Variants in STXBP2 observed in about 807,000 individuals in gnomAD.
STXBP2 encodes the protein syntaxin-binding protein 2.
In STXBP2, 47 loss-of-function variants were observed where a neutral mutation model predicts 72.2. That is an observed-to-expected ratio of 0.65 (90% CI 0.51 to 0.83). The LOEUF (loss-of-function observed/expected upper bound fraction) is 0.83, where lower values mean the gene tolerates loss of function less well. Ranked by LOEUF, STXBP2 falls within the 40% of genes least tolerant of loss-of-function variation. The pLI is 0.00. For synonymous variants in STXBP2, 367 were observed against 338.7 expected (o/e 1.08, Z -0.92); for missense variants, 702 against 807.6 (o/e 0.87, Z 1.58).
At chr19:7,636,815 G>C (rs1271136255), upstream of STXBP2, 1 of 288,774 alleles carries the variant, frequency 3.5e-6, no homozygotes, top group African/African-American at 2.2e-5. Flanking sequence ...TATCTTGCAG[G>C]CACAGAACCT....
chr19:7,642,889 G>T lies in STXBP2; in HGVS notation c.960+66G>T, dbSNP rs922277481. The T allele has an allele frequency of 1.2e-6, 2 of 1,613,280 alleles. No homozygotes were observed. Among genetic ancestry groups the T allele is most frequent in the African/African-American group, 2.7e-5 (2 of 74,898 alleles). On this transcript the variant is annotated intron_variant, in intron 11 of 18. Coordinates refer to ENST00000221283, the MANE Select transcript of STXBP2 (RefSeq NM_006949.4). The surrounding 1 kb of genome is among the most constrained non-coding windows in gnomAD (Gnocchi z 6.0). ...AAGCCCCCCTCCCCATGGGCGCAGG[G>T]CCACAGCCTGGATTTCGAGCCTGGA... is the stretch of plus-strand genomic sequence containing the variant.
At chr19:7,641,095 T>G (rs1468088453) in intron 6 of STXBP2, 92 bp downstream of exon 6, 1 of 1,355,546 alleles carries the variant, frequency 7.4e-7, no homozygotes, top group Non-Finnish European at 1.0e-6. Flanking sequence ...CTGGGCGCAG[T>G]GGCTCATACC....
In STXBP2 at chr19:7,641,782, C is replaced by G. The variant is rs373301117; in HGVS notation, c.507C>G (p.Leu169=). 11 of 1,551,524 alleles carry G rather than the reference C, an allele frequency of 7.1e-6. No individual in the cohort carries two copies. Among genetic ancestry groups the G allele is most frequent in the African/African-American group, 5.5e-5 (4 of 73,058 alleles). ...PFRAEERTRQ[L]EVLAQQIATL... ...GGGCAGAGGAGCGCACGCGGCAGCT[C>G]GAGGTGCTGGCCCAGCAGATTGCCA... Residue 169 remains leucine, a synonymous_variant, in exon 7 of 19, where the codon CTC becomes CTG. Coordinates refer to ENST00000221283, the MANE Select transcript of STXBP2 (RefSeq NM_006949.4).
chr19:7,644,020 G>A (rs1437631628), intron 13 of STXBP2, among the ~76,000 whole-genome samples: 7 of 148,760 alleles, frequency 4.7e-5, no homozygotes, highest in Admixed American at 6.7e-5. Flanking sequence ...GAACCTCGGA[G>A]AGGTGGGACC....
In STXBP2 at chr19:7,637,145, G is replaced by A; in HGVS notation, c.-5G>A. On this transcript the variant is annotated 5_prime_UTR_variant, in exon 1 of 19. Coordinates refer to ENST00000221283, the MANE Select transcript of STXBP2 (RefSeq NM_006949.4). ...CGGAAGCGGCGGCGGCGCCCCTCGG[G>A]GAAGATGGCGCCCTCGGGGCTGAAG... 1.6e-6 allele frequency: 2 copies of A among 1,241,352 alleles called. No individual in the cohort carries two copies. The highest frequency in any genetic ancestry group is 2.0e-6 in the Non-Finnish European group (2 of 988,158). The allele number at this position is 1,241,352 out of a possible 1,614,324, so 76.9% of individuals were successfully genotyped here.
rs748253705 is a variant in STXBP2 at position 7,639,007 on chromosome 19, C to T, written c.88-12C>T. ...CCTGCTCCTCCATCCATCTGTCCAT[C>T]CATCTGGACAGGTGCTTATCATGGA... On this transcript the variant is annotated splice_polypyrimidine_tract_variant and intron_variant, in intron 2 of 18. Coordinates refer to ENST00000221283, the MANE Select transcript of STXBP2 (RefSeq NM_006949.4). 5 of 1,613,544 alleles carry T rather than the reference C, an allele frequency of 3.1e-6. No individual in the cohort carries two copies. The highest frequency in any genetic ancestry group is 4.2e-6 in the Non-Finnish European group (5 of 1,179,410).
the STXBP2 span, chr19:7,631,554 T>G: frequency 6.5e-7 from 1 of 1,535,862 alleles, no homozygotes. Flanking sequence ...GCAGAACTCC[T>G]GAGGCCTCCA....
rs564665090 is a variant in STXBP2, at chr19:7,646,046, T to C, written c.1357-203T>C. The stretch of plus-strand genomic sequence containing the variant: ...CTTTCTCTGGCTCGCTCTCTCTCCC[T>C]TTGGCTTTCTCTCTCCGTCTCTCTC... On this transcript the variant is annotated intron_variant, in intron 15 of 18. Transcript: ENST00000221283. 298 of 601,530 alleles carry C rather than the reference T, an allele frequency of 5.0e-4. 2 individuals are homozygous for C. The highest frequency in any genetic ancestry group is 3.7e-4 in the Non-Finnish European group (123 of 336,384). The allele number at this position is 601,530 out of a possible 1,614,324, so 37.3% of individuals were successfully genotyped here.
At position 7,645,226 on chromosome 19, in the gene STXBP2, A is replaced by C; in HGVS notation, c.1276A>C (p.Ile426Leu). 1 of 1,572,290 alleles carries C rather than the reference A, an allele frequency of 6.4e-7. No homozygotes were observed. Among genetic ancestry groups the C allele is most frequent in the Non-Finnish European group, 8.6e-7 (1 of 1,157,648 alleles). ...GVSEENLAKL[I>L]QHANVQAHSS... is the part of the protein sequence containing the mutation. ...GAGTGAGGAGAACCTGGCCAAGCTG[A>C]TCCAGCATGCCAATGTACAGGCGCA... is the stretch of plus-strand genomic sequence containing the variant. The change falls in exon 15 of 19, where the codon ATC becomes CTC. Residue 426 changes from isoleucine to leucine, a missense_variant. Ile to Leu is a conservative substitution (Grantham distance 5). Coordinates refer to ENST00000221283, the MANE Select transcript of STXBP2 (RefSeq NM_006949.4).
upstream of STXBP2, chr19:7,633,516 G>C: frequency 6.5e-7 from 1 of 1,529,992 alleles, no homozygotes; most frequent in Non-Finnish European, 8.9e-7. Context: ...GCCAGAGAGG[G>C]CCTTTTAAAC....
rs1185698344 is a variant in STXBP2 at position 7,640,987 on chromosome 19, T to A, written c.413T>A (p.Leu138His). ...KTLKEIHLAF[L>H]PYEAQVFSLD... is the part of the protein sequence containing the mutation. ...TTGAAGGAGATTCACCTTGCCTTCCTCCCCTACGAGGCCCAGGTACGGCCC... is the reference window on the plus strand; with the variant it reads ...TTGAAGGAGATTCACCTTGCCTTCCACCCCTACGAGGCCCAGGTACGGCCC... The change falls in exon 6 of 19, where the codon CTC (leucine) becomes CAC (histidine). Residue 138 changes from leucine to histidine, a missense_variant. Physicochemically the swap from Leu to His is moderately conservative, Grantham distance 99 (BLOSUM62 -3). Transcript: ENST00000221283. 1.2e-6 allele frequency: 2 copies of A among 1,614,024 alleles called. No individual in the cohort carries two copies. The highest frequency in any genetic ancestry group is 1.7e-6 in the Non-Finnish European group (2 of 1,180,010).
rs372119250 is a variant in STXBP2 at position 7,638,981 on chromosome 19, G to C, written c.88-38G>C. 4 of 1,612,374 alleles carry C rather than the reference G, an allele frequency of 2.5e-6. No homozygotes were observed. In the African/African-American group the frequency reaches 5.3e-5, roughly 22 times the overall value. Reference sequence around the variant, plus strand: ...TCTGGGGCCAGCTGTGGCCTCTTCCGCCTGCTCCTCCATCCATCTGTCCAT... The same window carrying C: ...TCTGGGGCCAGCTGTGGCCTCTTCCCCCTGCTCCTCCATCCATCTGTCCAT... On this transcript the variant is annotated intron_variant, in intron 2 of 18. Coordinates refer to ENST00000221283, the MANE Select transcript of STXBP2 (RefSeq NM_006949.4).
chr19:7,642,890 C>T lies in STXBP2; in HGVS notation c.960+67C>T. On this transcript the variant is annotated intron_variant, in intron 11 of 18. Coordinates refer to ENST00000221283, the MANE Select transcript of STXBP2 (RefSeq NM_006949.4). This position sits in a 1 kb window ranked among gnomAD's most constrained non-coding sequence, Gnocchi z 6.0. ...AGCCCCCCTCCCCATGGGCGCAGGG[C>T]CACAGCCTGGATTTCGAGCCTGGAC... 2 of 1,612,806 alleles carry T rather than the reference C, an allele frequency of 1.2e-6. No homozygotes were observed. The highest frequency in any genetic ancestry group is 4.5e-5 in the East Asian group (2 of 44,876).
At chr19:7,631,716 G>A in the STXBP2 span, 8 of 1,450,632 alleles carry the variant, frequency 5.5e-6, no homozygotes, top group Non-Finnish European at 7.3e-6. Flanking sequence ...GGGGCTGGGG[G>A]CTGCTGTTCC....
intron 4 of STXBP2, chr19:7,640,402 ATGTG>A (rs371399925): frequency 1.8e-5 from 10 of 544,912 alleles, no homozygotes; most frequent in East Asian, 3.8e-5. Flanking sequence ...ATGTGTGTAT[ATGTG>A]TGTATGTATG....
chr19:7,639,852 A>T (rs747372443), intron 4 of STXBP2, 45 bp downstream of exon 4: 2 of 1,586,846 alleles, frequency 1.3e-6, no homozygotes, highest in East Asian at 4.5e-5. Flanking sequence ...GCATGCGTGT[A>T]CATGTGCATG....
chr19:7,629,922 AG>A, the STXBP2 span: 2 of 1,461,952 alleles, frequency 1.4e-6, no homozygotes, highest in Non-Finnish European at 1.8e-6. Context: ...TCTGAAGATG[AG>A]GTTGGAAATG....
chr19:7,645,024 C>A, intron 14 of STXBP2, 173 bp from the exon 15 acceptor site: 1 of 1,454,048 alleles, frequency 6.9e-7, no homozygotes, highest in East Asian at 2.5e-5. Context: ...AGCCCCTGAT[C>A]TACCCCCTCC....
chr19:7,647,642 C>CCCA, intron 18 of STXBP2, 83 bp from the exon 19 acceptor site: 5 of 1,599,268 alleles, frequency 3.1e-6, no homozygotes, highest in Non-Finnish European at 4.3e-6. Flanking sequence ...CAGGGACAGC[C>CCCA]CCACACCAGC....
Sources: gnomAD v4.1 joint callset for allele counts (sites outside exome capture counted in the v4.1 genomes callset) on GRCh38, gnomAD v4.1.1 for gene constraint, Gnocchi (gnomAD v3.1) non-coding constraint, MANE v1.5 for transcripts, NCBI Gene and HGNC (gene_info 2026-07-23, HGNC 2026-07-21) for gene names.